CRY2: variants seen among roughly 807,000 people sequenced by gnomAD.
CRY2 encodes the protein cryptochrome circadian regulator 2.
CRY2 carries 31 observed loss-of-function variants against 69.5 expected under a neutral mutation model. That is an observed-to-expected ratio of 0.45 (90% confidence interval 0.34 to 0.60). The LOEUF (loss-of-function observed/expected upper bound fraction) is 0.60, where lower values mean the gene tolerates loss of function less well. Among genes scored for constraint, CRY2 ranks in the 20% least tolerant of loss-of-function variants. The pLI, the probability that CRY2 is intolerant of heterozygous loss-of-function variation, is 0.02. For synonymous variants in CRY2, 303 were observed against 312.2 expected, an observed-to-expected ratio of 0.97 and a Z score of 0.31; for missense variants, 606 against 797.8, an observed-to-expected ratio of 0.76 and a Z score of 2.90.
chr11:45,856,662 G>T (rs1427791799), intron 2 of CRY2, among the ~76,000 whole-genome samples: 3 of 152,162 alleles, frequency 2.0e-5, no homozygotes, highest in Non-Finnish European at 2.9e-5. Context: ...TGGGCATGTT[G>T]GCTGGCACCT....
chr11:45,869,684 C>A lies in CRY2; in HGVS notation c.1061C>A (p.Thr354Lys). The change falls in exon 7 of 12, where the codon ACA becomes AAA. Residue 354 changes from threonine to lysine, a missense_variant. Transcript: ENST00000616080. The part of the protein sequence containing the change: ...EALAKWAEGK[T>K]GFPWIDAIMT... ...CTGGCCAAGTGGGCTGAGGGCAAGA[C>A]AGGCTTCCCTTGGATTGATGCCATC... 1 of 1,614,244 alleles carries A rather than the reference C, an allele frequency of 6.2e-7. No homozygotes were observed. Among genetic ancestry groups the A allele is most frequent in the Non-Finnish European group, 8.5e-7 (1 of 1,180,042 alleles).
chr11:45,870,031 G>T, intron 7 of CRY2, 22 bp from the exon 8 acceptor site: 1 of 1,574,036 alleles, frequency 6.4e-7, no homozygotes, highest in South Asian at 1.2e-5. Context: ...CAAGGAGGCT[G>T]ATCATCCCCT....
chr11:45,865,187 G>A (rs980110020), intron 5 of CRY2, among the ~76,000 whole-genome samples: 1 of 151,800 alleles, frequency 6.6e-6, no homozygotes, highest in Non-Finnish European at 1.5e-5. Flanking sequence ...CCTTTCAAAC[G>A]TTTTGCCAAA....
chr11:45,867,480 A>G, intron 5 of CRY2, 132 bp from the exon 6 acceptor site: 2 of 1,181,746 alleles, frequency 1.7e-6, no homozygotes, highest in Non-Finnish European at 2.4e-6. Flanking sequence ...CGGCTGGACA[A>G]GCACAGTGTT....
intron 6 of CRY2, among the ~76,000 whole-genome samples, chr11:45,868,399 G>A (rs1039131338): frequency 4.6e-5 from 7 of 152,350 alleles, no homozygotes; most frequent in Non-Finnish European, 1.0e-4. Context: ...AGGCTAGAGT[G>A]TAGTGTGGCC....
At chr11:45,877,255 A>G (rs2086430888) in intron 11 of CRY2, among the ~76,000 whole-genome samples, 2 of 152,214 alleles carry the variant, frequency 1.3e-5, no homozygotes, top group Non-Finnish European at 2.9e-5. Flanking sequence ...GGAAGCAGGT[A>G]GCGAACCCTC....
chr11:45,856,046 G>A lies in CRY2; in HGVS notation c.280G>A (p.Val94Ile), dbSNP rs775593968. ...SLRKLNSRLFVVRGQPADVFP... is the reference protein window; with the variant it reads ...SLRKLNSRLFIVRGQPADVFP... ...AAGGAAACTGAACTCCCGCCTGTTT[G>A]TAGTCCGGGGACAGCCAGCCGACGT... Residue 94 changes from valine (V) to isoleucine (I), a missense_variant, in exon 2 of 12, where the codon GTA becomes ATA. By Grantham distance (29) the Val-to-Ile change is conservative. This residue lies in a region of CRY2 where 382 missense variants were observed against 508.9 expected (regional missense o/e 0.75). Coordinates refer to ENST00000616080, the MANE Select transcript of CRY2 (RefSeq NM_021117.5). 17 of 1,614,124 alleles carry A rather than the reference G, an allele frequency of 1.1e-5. No homozygotes were observed. The highest frequency in any genetic ancestry group is 1.0e-4 in the Admixed American group (6 of 60,012).
intron 11 of CRY2, among the ~76,000 whole-genome samples, chr11:45,874,202 C>A (rs1036527169): frequency 2.6e-5 from 4 of 152,016 alleles, no homozygotes; most frequent in Admixed American, 1.3e-4. Context: ...ATCACTTGAA[C>A]CCGGGAGGCA....
At chr11:45,859,650 C>T (rs968982176) in intron 3 of CRY2, among the ~76,000 whole-genome samples, 1 of 152,072 alleles carries the variant, frequency 6.6e-6, no homozygotes, top group Non-Finnish European at 1.5e-5. Flanking sequence ...TCTAGAGATC[C>T]CTGCAGGGAG....
intron 10 of CRY2, 113 bp from the exon 11 acceptor site, chr11:45,871,979 G>T (rs1565063294): frequency 1.2e-5 from 17 of 1,408,372 alleles, no homozygotes; most frequent in Non-Finnish European, 1.6e-5. Context: ...CAGCATGCTG[G>T]CATTCCATTG....
intron 2 of CRY2, 61 bp downstream of exon 2, chr11:45,856,151 C>T: frequency 7.7e-7 from 1 of 1,291,684 alleles, no homozygotes; most frequent in Non-Finnish European, 1.1e-6. Flanking sequence ...TTCCCCACAG[C>T]CTGAGTGATA....
intron 5 of CRY2, among the ~76,000 whole-genome samples, chr11:45,865,167 T>C (rs2086320271): frequency 6.6e-6 from 1 of 151,284 alleles, no homozygotes; most frequent in African/African-American, 2.4e-5. Context: ...TGTGAAAAGA[T>C]AAAGTCCTTC....
At chr11:45,868,477 A>G (rs2086349335) in intron 6 of CRY2, among the ~76,000 whole-genome samples, 1 of 151,908 alleles carries the variant, frequency 6.6e-6, no homozygotes, top group African/African-American at 2.4e-5. Context: ...CCTCTCAAGT[A>G]GAGCTAATTT....
rs751042097 is a variant in CRY2, at chr11:45,870,983, C to T, written c.1642+49C>T. On this transcript the variant is annotated intron_variant, in intron 10 of 11. Transcript: ENST00000616080. ...TGTGGCCTCCTGTGGCCTGTGCCAC[C>T]ACTTCAGTCATTCAGGACTGAGGCC... is the stretch of plus-strand genomic sequence containing the variant. The T allele has an allele frequency of 3.4e-6, 5 of 1,485,950 alleles. No individual in the cohort carries two copies. The African/African-American group carries it at 6.9e-5, about 21-fold the overall frequency. 92.0% of individuals were successfully genotyped at this position (1,485,950 alleles called of 1,614,324 possible).
intron 5 of CRY2, among the ~76,000 whole-genome samples, chr11:45,865,271 G>A (rs886400042): frequency 1.3e-4 from 20 of 152,114 alleles, no homozygotes; most frequent in Admixed American, 1.2e-3. Flanking sequence ...TGCATATACT[G>A]GGGGGCAGGA....
At chr11:45,856,228 A>T (rs1029487695) in intron 2 of CRY2, 138 bp downstream of exon 2, 1 of 706,552 alleles carries the variant, frequency 1.4e-6, no homozygotes, top group Non-Finnish European at 2.4e-6. Context: ...AGAAGTTGGG[A>T]GCAAAGGCAG....
chr11:45,861,409 T>C (rs188870268), intron 4 of CRY2: 114 of 189,478 alleles, frequency 6.0e-4, no homozygotes, highest in African/African-American at 2.4e-3. Context: ...CTCAGATTAC[T>C]AACTACACTC....
intron 2 of CRY2, 159 bp downstream of exon 2, chr11:45,856,249 T>G: frequency 1.6e-6 from 1 of 631,162 alleles, no homozygotes; most frequent in Non-Finnish European, 2.7e-6. Context: ...CCAGTTAGCT[T>G]GCTCTTGGAA....
intron 1 of CRY2, among the ~76,000 whole-genome samples, chr11:45,852,429 C>T (rs1378440814): frequency 6.6e-6 from 1 of 152,192 alleles, no homozygotes; most frequent in Non-Finnish European, 1.5e-5. Flanking sequence ...GAGCCTTTGC[C>T]CAGTCGCAGC....
Sources: gnomAD v4.1 joint callset for allele counts (sites outside exome capture counted in the v4.1 genomes callset) on GRCh38, gnomAD v4.1.1 for gene constraint, gnomAD v4.1.1 regional missense constraint, MANE v1.5 for transcripts, NCBI Gene and HGNC (gene_info 2026-07-23, HGNC 2026-07-21) for gene names.